The following ASH1L variants were observed in gnomAD, a reference collection of about 807,000 sequenced individuals.
ASH1L encodes the protein histone-lysine N-methyltransferase ASH1L.
A neutral mutation model predicts 269.0 loss-of-function variants in ASH1L; 23 were observed. The ratio of observed to expected loss-of-function variants is 0.09; its 90% confidence interval spans 0.06 to 0.12. ASH1L has a LOEUF of 0.12. Ranked by LOEUF, ASH1L falls within the 10% of genes least tolerant of loss-of-function variation. The pLI is 1.00. For synonymous variants in ASH1L, 1,187 were observed against 1,253.5 expected (o/e 0.95, Z 1.12); for missense variants, 2,912 against 3,567.8 (o/e 0.82, Z 4.68).
chr1:155,392,995 T>C (rs1403876133), intron 7 of ASH1L, among the ~76,000 whole-genome samples: 2 of 152,152 alleles, frequency 1.3e-5, no homozygotes, highest in Non-Finnish European at 2.9e-5. Flanking sequence ...GCCTTGTTCT[T>C]ATTTTCAAAG....
intron 6 of ASH1L, among the ~76,000 whole-genome samples, chr1:155,406,894 T>C (rs777015738): frequency 3.3e-5 from 5 of 152,080 alleles, no homozygotes; most frequent in African/African-American, 7.2e-5. Flanking sequence ...AAATCGAGGA[T>C]AGAATTTCCC....
intron 2 of ASH1L, among the ~76,000 whole-genome samples, chr1:155,507,846 T>C (rs992170331): frequency 6.6e-6 from 1 of 152,210 alleles, no homozygotes; most frequent in Non-Finnish European, 1.5e-5. Flanking sequence ...CTGCACAGCC[T>C]TGGGCAACAG....
chr1:155,456,551 T>C, intron 4 of ASH1L, among the ~76,000 whole-genome samples: 1 of 151,990 alleles, frequency 6.6e-6, no homozygotes, highest in Non-Finnish European at 1.5e-5. Context: ...AATGCTCGAG[T>C]TTCTTAGGTC....
chr1:155,405,874 T>C (rs1367247234), intron 6 of ASH1L, among the ~76,000 whole-genome samples: 2 of 148,490 alleles, frequency 1.3e-5, no homozygotes, highest in East Asian at 3.9e-4. Flanking sequence ...AGACATCCCA[T>C]ATTCACAGAT....
chr1:155,450,533 G>C (rs957697550), intron 4 of ASH1L, among the ~76,000 whole-genome samples: 1 of 152,058 alleles, frequency 6.6e-6, no homozygotes, highest in Non-Finnish European at 1.5e-5. Context: ...TAAGTGTTTG[G>C]ATTTTGTTGT....
At chr1:155,530,464 G>A (rs1191941963) in intron 1 of ASH1L, among the ~76,000 whole-genome samples, 2 of 151,928 alleles carry the variant, frequency 1.3e-5, no homozygotes, top group African/African-American at 4.8e-5. Context: ...AGTGGCTCAC[G>A]CCTGTAATCC....
intron 6 of ASH1L, among the ~76,000 whole-genome samples, chr1:155,413,091 C>CA (rs1375122942): frequency 6.6e-6 from 1 of 152,024 alleles, no homozygotes; most frequent in Non-Finnish European, 1.5e-5. Flanking sequence ...CTCTATTTAG[C>CA]AGACTCTGTT....
chr1:155,440,847 G>C (rs896356630), intron 4 of ASH1L, among the ~76,000 whole-genome samples: 2 of 151,440 alleles, frequency 1.3e-5, no homozygotes, highest in African/African-American at 2.4e-5. Flanking sequence ...TTTCATTTTC[G>C]CTCCCTTCAA....
intron 6 of ASH1L, among the ~76,000 whole-genome samples, chr1:155,411,902 C>G (rs188449321): frequency 6.6e-6 from 1 of 151,758 alleles, no homozygotes. Context: ...TTTGTTCAAT[C>G]ACATTTCTAC....
intron 2 of ASH1L, among the ~76,000 whole-genome samples, chr1:155,491,736 C>G (rs1570971402): frequency 6.6e-6 from 1 of 151,962 alleles, no homozygotes; most frequent in Non-Finnish European, 1.5e-5. Flanking sequence ...GTGGCTCAAC[C>G]TCGGCTCACT....
chr1:155,460,586 C>T (rs1380278458), intron 3 of ASH1L, among the ~76,000 whole-genome samples: 1 of 152,058 alleles, frequency 6.6e-6, no homozygotes, highest in East Asian at 1.9e-4. Context: ...GCAGCCTGGG[C>T]AACAGAGCAA....
rs1033515095 is a variant in ASH1L, at chr1:155,438,270, T to C, written c.5828+57A>G. The C allele has an allele frequency of 6.8e-6, 10 of 1,466,696 alleles. No homozygotes were observed. In the East Asian group the frequency reaches 2.1e-4, roughly 30 times the overall value. The allele number at this position is 1,466,696 out of a possible 1,614,324, so 90.9% of individuals were successfully genotyped here. The stretch of plus-strand genomic sequence containing the variant: ...AAATAATTCAGCTATAGAGTTACAT[T>C]ACAGTTTTTCAAAGCTAGTTTCCTC... On this transcript the variant is annotated intron_variant, in intron 5 of 27. Transcript: ENST00000392403.
chr1:155,549,167 ACTCT>A (rs942001456), intron 1 of ASH1L, among the ~76,000 whole-genome samples: 3 of 151,976 alleles, frequency 2.0e-5, no homozygotes, highest in South Asian at 2.1e-4. Context: ...ATAAAGCATG[ACTCT>A]CTCTCTACAA....
At chr1:155,433,228 C>A (rs1266802731) in intron 5 of ASH1L, 32 of 1,549,842 alleles carry the variant, frequency 2.1e-5, no homozygotes, top group Non-Finnish European at 2.4e-5. Context: ...CCCCTCCAGG[C>A]GGTGGAGGTG....
intron 2 of ASH1L, among the ~76,000 whole-genome samples, chr1:155,501,555 G>T (rs912304486): frequency 6.6e-6 from 1 of 152,120 alleles, no homozygotes; most frequent in African/African-American, 2.4e-5. Flanking sequence ...ATTTTTAGTA[G>T]AGACCAGGTT....
intron 4 of ASH1L, among the ~76,000 whole-genome samples, chr1:155,441,602 AC>A (rs1662577988): frequency 6.6e-6 from 1 of 151,120 alleles, no homozygotes; most frequent in African/African-American, 2.4e-5. Context: ...AGCTGGGACT[AC>A]AGACGCCCAG....
intron 25 of ASH1L, among the ~76,000 whole-genome samples, chr1:155,340,995 G>A (rs1652744184): frequency 6.6e-6 from 1 of 151,956 alleles, no homozygotes; most frequent in Admixed American, 6.6e-5. Flanking sequence ...GTTTTGAGAT[G>A]GAGTCTCGCT....
intron 13 of ASH1L, among the ~76,000 whole-genome samples, chr1:155,359,135 T>G (rs982216557): frequency 6.6e-6 from 1 of 152,058 alleles, no homozygotes; most frequent in Admixed American, 6.6e-5. Context: ...CAAAAAACTT[T>G]AAACATTTTA....
intron 10 of ASH1L, among the ~76,000 whole-genome samples, chr1:155,371,978 G>C (rs1208321922): frequency 6.6e-6 from 1 of 151,558 alleles, no homozygotes; most frequent in East Asian, 1.9e-4. Flanking sequence ...ACAAGCTTGT[G>C]AACCACTGCA....
Sources: gnomAD v4.1 joint callset for allele counts (sites outside exome capture counted in the v4.1 genomes callset) on GRCh38, gnomAD v4.1.1 for gene constraint, MANE v1.5 for transcripts, NCBI Gene and HGNC (gene_info 2026-07-23, HGNC 2026-07-21) for gene names.